The following NSMAF variants were observed in gnomAD, a reference collection of about 807,000 sequenced individuals.
The protein encoded by NSMAF is neutral sphingomyelinase activation associated factor.
NSMAF carries 90 observed loss-of-function variants against 134.9 expected under a neutral mutation model. The observed-to-expected ratio is 0.67, with a 90% CI of 0.56 to 0.79. The LOEUF is 0.79. NSMAF is among the 30% of genes least tolerant of loss of function. The probability of loss-of-function intolerance (pLI) is 0.00; values close to 1 mark genes in which losing one functional copy is unlikely to be tolerated. For missense variants in NSMAF, 1,010 were observed against 1,119.0 expected, an observed-to-expected ratio of 0.90 and a Z score of 1.39; for synonymous variants, 358 against 389.6, an observed-to-expected ratio of 0.92 and a Z score of 0.96.
chr8:58,619,634 T>C (rs946034150), intron 9 of NSMAF, among the ~76,000 whole-genome samples: 5 of 152,204 alleles, frequency 3.3e-5, no homozygotes, highest in African/African-American at 1.2e-4. Context: ...TATTGCATTC[T>C]ATATATCAAC....
chr8:58,596,825 G>A (rs1379972325), intron 21 of NSMAF, among the ~76,000 whole-genome samples: 2 of 152,066 alleles, frequency 1.3e-5, no homozygotes, highest in Non-Finnish European at 2.9e-5. Context: ...CTACTCAGGA[G>A]GCTGAGGCAG....
At chr8:58,656,420 C>A (rs1399672056) in intron 1 of NSMAF, among the ~76,000 whole-genome samples, 1 of 152,206 alleles carries the variant, frequency 6.6e-6, no homozygotes, top group Non-Finnish European at 1.5e-5. Flanking sequence ...AATGGCACCA[C>A]TTTATAGTTA....
intron 26 of NSMAF, among the ~76,000 whole-genome samples, 181 bp downstream of exon 26, chr8:58,589,271 A>T (rs1021288137): frequency 6.7e-6 from 1 of 149,108 alleles, no homozygotes; most frequent in Non-Finnish European, 1.5e-5. Flanking sequence ...TTTTAAACAC[A>T]GGCAATAACA....
In NSMAF at chr8:58,584,034, G is replaced by T; in HGVS notation, c.*72C>A. On this transcript the variant is annotated 3_prime_UTR_variant, in exon 31 of 31. Coordinates refer to ENST00000038176, the MANE Select transcript of NSMAF (RefSeq NM_003580.4). ...AATTACTAACATTGCACATTCACCAGTCCGTTTAAAAGTTTGGTTTAAAAA... is the reference window on the plus strand; with the variant it reads ...AATTACTAACATTGCACATTCACCATTCCGTTTAAAAGTTTGGTTTAAAAA... 2.6e-6 allele frequency: 3 copies of T among 1,151,294 alleles called. No individual in the cohort carries two copies. Among genetic ancestry groups the T allele is most frequent in the Non-Finnish European group, 3.9e-6 (3 of 760,652 alleles). The allele number at this position is 1,151,294 out of a possible 1,614,324, so 71.3% of individuals were successfully genotyped here.
At chr8:58,590,803 A>G in intron 24 of NSMAF, 64 bp downstream of exon 24, 3 of 1,433,840 alleles carry the variant, frequency 2.1e-6, no homozygotes, top group Non-Finnish European at 1.9e-6. Context: ...GTATTATTGT[A>G]TGGGTGTGTA....
At chr8:58,588,301 T>G (rs1330248041) in intron 26 of NSMAF, 92 of 678,816 alleles carry the variant, frequency 1.4e-4, no homozygotes, top group Non-Finnish European at 4.4e-5. Flanking sequence ...AAAATGTGTC[T>G]TTTAATGATT....
intron 29 of NSMAF, 26 bp downstream of exon 29, chr8:58,585,872 C>T (rs577191848): frequency 1.4e-5 from 23 of 1,597,872 alleles, no homozygotes; most frequent in Admixed American, 6.7e-5. Context: ...TAAATGTCTT[C>T]GCCCCCAGTA....
intron 21 of NSMAF, chr8:58,595,982 A>C (rs914517170): frequency 5.8e-5 from 12 of 206,790 alleles, no homozygotes; most frequent in Non-Finnish European, 1.2e-4. Context: ...ACATTGTTTC[A>C]AAAACCTGAC....
chr8:58,646,400 G>C (rs1299816401), intron 1 of NSMAF, among the ~76,000 whole-genome samples: 1 of 152,066 alleles, frequency 6.6e-6, no homozygotes, highest in Non-Finnish European at 1.5e-5. Context: ...TGCACAAGTA[G>C]CCTTCAGAGA....
At chr8:58,658,024 A>G (rs1333467430) in intron 1 of NSMAF, among the ~76,000 whole-genome samples, 1 of 152,230 alleles carries the variant, frequency 6.6e-6, no homozygotes, top group Non-Finnish European at 1.5e-5. Flanking sequence ...AACAGCCAGA[A>G]CCAAGGAAAA....
intron 1 of NSMAF, among the ~76,000 whole-genome samples, chr8:58,652,262 A>G (rs1807602713): frequency 6.6e-6 from 1 of 152,196 alleles, no homozygotes; most frequent in Non-Finnish European, 1.5e-5. Context: ...TAGACTTAAC[A>G]ATATTGGTTT....
At chr8:58,657,755 A>T (rs148976415) in intron 1 of NSMAF, among the ~76,000 whole-genome samples, 1 of 152,384 alleles carries the variant, frequency 6.6e-6, no homozygotes, top group African/African-American at 2.4e-5. Flanking sequence ...TCAAATAAAT[A>T]TAAAACACAT....
At chr8:58,648,445 C>T (rs1243809230) in intron 1 of NSMAF, among the ~76,000 whole-genome samples, 2 of 152,178 alleles carry the variant, frequency 1.3e-5, no homozygotes, top group African/African-American at 2.4e-5. Context: ...ATGGAGTAAG[C>T]TATGGAATAA....
At chr8:58,634,424 T>A (rs1807124152) in intron 5 of NSMAF, among the ~76,000 whole-genome samples, 1 of 152,192 alleles carries the variant, frequency 6.6e-6, no homozygotes, top group Non-Finnish European at 1.5e-5. Flanking sequence ...TGAGAGGATT[T>A]AAGTCAAGTT....
intron 1 of NSMAF, among the ~76,000 whole-genome samples, chr8:58,658,705 G>A (rs1045249298): frequency 6.6e-6 from 1 of 152,184 alleles, no homozygotes; most frequent in African/African-American, 2.4e-5. Flanking sequence ...GACCGAGCAA[G>A]TTGTTTCTGT....
At chr8:58,635,163 G>C in intron 5 of NSMAF, 26 bp downstream of exon 5, 1 of 1,580,808 alleles carries the variant, frequency 6.3e-7, no homozygotes, top group East Asian at 2.2e-5. Flanking sequence ...ATTCAGATTA[G>C]GAAAAAATAT....
At chr8:58,628,079 C>T (rs1806976836) in intron 6 of NSMAF, among the ~76,000 whole-genome samples, 1 of 152,056 alleles carries the variant, frequency 6.6e-6, no homozygotes, top group Non-Finnish European at 1.5e-5. Context: ...AGAAATAAAG[C>T]CAAATACTTA....
At position 58,599,324 on chromosome 8, in the gene NSMAF, T is replaced by C; in HGVS notation, c.1493A>G (p.Glu498Gly). The C allele has an allele frequency of 1.2e-6, 2 of 1,614,146 alleles. No individual in the cohort carries two copies. Among genetic ancestry groups the C allele is most frequent in the African/African-American group, 2.7e-5 (2 of 75,062 alleles). The change falls in exon 19 of 31, where the codon GAA (glutamate) becomes GGA (glycine). Residue 498 changes from glutamate to glycine, a missense_variant. Transcript: ENST00000038176. ...AAGGTGTTCAGACACATAATTGCTT[T>C]CCAATGCATCTTTGCTCTTCTGGAG... ...DFLQKSKDALESNYVSEHLHE... is the reference protein window; with the variant it reads ...DFLQKSKDALGSNYVSEHLHE...
intron 9 of NSMAF, among the ~76,000 whole-genome samples, chr8:58,613,924 T>C (rs919376466): frequency 2.8e-4 from 42 of 152,324 alleles, no homozygotes; most frequent in African/African-American, 1.0e-3. Flanking sequence ...TGAGTGCATT[T>C]CGGACTTTTG....
Sources: gnomAD v4.1 joint callset for allele counts (sites outside exome capture counted in the v4.1 genomes callset) on GRCh38, gnomAD v4.1.1 for gene constraint, MANE v1.5 for transcripts, NCBI Gene and HGNC (gene_info 2026-07-23, HGNC 2026-07-21) for gene names.